The following PARM1 variants were observed in gnomAD, a reference collection of about 807,000 sequenced individuals.
PARM1 encodes WSC4, cell wall integrity and stress response component 4 homolog.
Under a neutral mutation model 24.6 loss-of-function variants are expected in PARM1, and 14 were observed. The observed-to-expected ratio is 0.57, with a 90% CI of 0.38 to 0.89. The LOEUF (loss-of-function observed/expected upper bound fraction) is 0.89, where lower values mean the gene tolerates loss of function less well. PARM1 is among the 40% of genes least tolerant of loss of function. The pLI, the probability that PARM1 is intolerant of heterozygous loss-of-function variation, is 0.00. For synonymous variants in PARM1, 179 were observed against 156.6 expected (o/e 1.14, Z -1.07); for missense variants, 362 against 380.4 (o/e 0.95, Z 0.40).
intron 1 of PARM1, among the ~76,000 whole-genome samples, chr4:74,971,092 A>G (rs560468680): frequency 2.6e-5 from 4 of 152,344 alleles, no homozygotes; most frequent in South Asian, 2.1e-4. Context: ...ACACTGTATT[A>G]GTCTGTTCTC....
intron 2 of PARM1, among the ~76,000 whole-genome samples, chr4:75,031,482 G>A (rs1299562482): frequency 2.6e-5 from 4 of 151,180 alleles, no homozygotes; most frequent in Non-Finnish European, 4.4e-5. Flanking sequence ...GAGCTAGAGA[G>A]CCACCCATCA....
chr4:75,033,806 G>C, intron 2 of PARM1, 77 bp from the exon 3 acceptor site: 1 of 1,148,450 alleles, frequency 8.7e-7, no homozygotes, highest in Middle Eastern at 2.8e-4. Flanking sequence ...GCAGAAGGTG[G>C]ATACTACGCA....
At chr4:74,998,008 C>T (rs575406499) in intron 1 of PARM1, among the ~76,000 whole-genome samples, 1 of 152,312 alleles carries the variant, frequency 6.6e-6, no homozygotes, top group East Asian at 1.9e-4. Flanking sequence ...AGATTCTGTC[C>T]TTCCAGATTG....
At chr4:75,025,212 T>A (rs997006796) in intron 2 of PARM1, among the ~76,000 whole-genome samples, 23 of 152,186 alleles carry the variant, frequency 1.5e-4, no homozygotes, top group Non-Finnish European at 2.2e-4. Flanking sequence ...GGAGTTGAGA[T>A]TCCCCAGCCT....
intron 3 of PARM1, among the ~76,000 whole-genome samples, chr4:75,035,544 C>T (rs777255125): frequency 9.2e-5 from 14 of 152,202 alleles, no homozygotes; most frequent in Non-Finnish European, 1.5e-4. Flanking sequence ...TATGATTCCT[C>T]ATCTCAGAGC....
chr4:75,009,466 C>T (rs1398495654), intron 1 of PARM1, among the ~76,000 whole-genome samples: 1 of 152,162 alleles, frequency 6.6e-6, no homozygotes, highest in Non-Finnish European at 1.5e-5. Context: ...CTATTTGACA[C>T]CTTCAAGGAA....
rs1314578085 is a variant in PARM1, at chr4:74,933,390, C to T, written c.43+20C>T. 2.5e-6 allele frequency: 4 copies of T among 1,611,010 alleles called. No homozygotes were observed. The highest frequency in any genetic ancestry group is 1.7e-5 in the Admixed American group (1 of 59,816). On this transcript the variant is annotated intron_variant, in intron 1 of 3. Transcript: ENST00000307428. ...CTGCAGGTAATTGGCGCCATCCTCC[C>T]GGAAGGGCAGGTCGCGGGGTGGGCC...
intron 1 of PARM1, among the ~76,000 whole-genome samples, chr4:74,984,839 G>A (rs1722319911): frequency 6.6e-6 from 1 of 152,126 alleles, no homozygotes; most frequent in African/African-American, 2.4e-5. Flanking sequence ...TTAAAGAAAA[G>A]CACACTAAGA....
chr4:74,998,291 G>A (rs959008202), intron 1 of PARM1, among the ~76,000 whole-genome samples: 1 of 152,172 alleles, frequency 6.6e-6, no homozygotes, highest in Non-Finnish European at 1.5e-5. Context: ...GTTATTTTCA[G>A]CAGAGATGCA....
At chr4:74,971,635 G>A (rs767323184) in intron 1 of PARM1, among the ~76,000 whole-genome samples, 1 of 152,132 alleles carries the variant, frequency 6.6e-6, no homozygotes, top group Non-Finnish European at 1.5e-5. Context: ...TTTCTGAGCT[G>A]ACTTTGTTTA....
intron 1 of PARM1, among the ~76,000 whole-genome samples, chr4:74,972,816 A>G (rs1045560188): frequency 6.6e-6 from 1 of 152,204 alleles, no homozygotes; most frequent in Non-Finnish European, 1.5e-5. Flanking sequence ...CATCTTGCTG[A>G]TGCCTCAATG....
At chr4:75,014,724 G>A (rs1352570517) in intron 2 of PARM1, among the ~76,000 whole-genome samples, 1 of 152,158 alleles carries the variant, frequency 6.6e-6, no homozygotes, top group Non-Finnish European at 1.5e-5. Flanking sequence ...CACAGAGAAG[G>A]GTGGAGAGTG....
At chr4:75,035,893 C>T (rs1210056250) in intron 3 of PARM1, among the ~76,000 whole-genome samples, 1 of 152,186 alleles carries the variant, frequency 6.6e-6, no homozygotes, top group African/African-American at 2.4e-5. Flanking sequence ...TGTCCTTGAG[C>T]ACTAAACTTA....
Position 75,008,923 on chromosome 4 carries a change from A to AT in PARM1, c.44-3489dup, listed in dbSNP as rs58243200. ...GATGCTATGAATGGTAAATGGTGTC[A>AT]TTTTTTTTTTTTTGCCCTTGGAATC... On this transcript the variant is annotated intron_variant, in intron 1 of 3. Coordinates refer to ENST00000307428, the MANE Select transcript of PARM1 (RefSeq NM_015393.4). Among the ~76,000 whole-genome samples the AT allele has an allele frequency of 1.3e-3, 194 of 146,510 alleles. 1 individual carries two copies. The highest frequency in any genetic ancestry group is 8.3e-3 in the East Asian group (42 of 5,042).
At position 75,047,245 on chromosome 4, in the gene PARM1, T is replaced by A. The variant is rs1372147684; in HGVS notation, c.*998T>A. ...CACAGCAACTGGTCCACTGCTTTAC[T>A]GTCTGTTGGATAATGGCTGTAAAAT... On this transcript the variant is annotated 3_prime_UTR_variant, in exon 4 of 4. Coordinates refer to ENST00000307428, the MANE Select transcript of PARM1 (RefSeq NM_015393.4). 1 of 152,248 alleles carries A rather than the reference T, an allele frequency of 6.6e-6. No homozygotes were observed. Among genetic ancestry groups the A allele is most frequent in the South Asian group, 2.1e-4 (1 of 4,836 alleles). The allele number at this position is 152,248 out of a possible 1,614,324, so 9.4% of individuals were successfully genotyped here. A position where few individuals can be genotyped will look rare whatever the true frequency, so the allele number is the denominator to read the frequency against.
chr4:75,037,657 A>G lies in PARM1; in HGVS notation c.848+3696A>G, dbSNP rs534110142. Among the ~76,000 whole-genome samples, 3 of 152,276 alleles carry G rather than the reference A, an allele frequency of 2.0e-5. No homozygotes were observed. In the South Asian group the frequency reaches 6.2e-4, roughly 32 times the overall value. On this transcript the variant is annotated intron_variant, in intron 3 of 3. Coordinates refer to ENST00000307428, the MANE Select transcript of PARM1 (RefSeq NM_015393.4). ...CTGAACCCAGGGCCCTTCTTGGTTT[A>G]TGATCCCACCTTTTAACCAGCAGCA...
chr4:75,040,090 A>G (rs921828089), intron 3 of PARM1, among the ~76,000 whole-genome samples: 6 of 152,216 alleles, frequency 3.9e-5, no homozygotes. Context: ...GTAGTTGCTT[A>G]ATGAACATTT....
chr4:75,020,033 A>AG (rs1560794315), intron 2 of PARM1, among the ~76,000 whole-genome samples: 1 of 149,006 alleles, frequency 6.7e-6, no homozygotes, highest in Non-Finnish European at 1.5e-5. Flanking sequence ...AAAAAAAAAA[A>AG]AAAAGAAAAT....
intron 1 of PARM1, among the ~76,000 whole-genome samples, chr4:74,935,999 A>AT (rs564855407): frequency 3.3e-5 from 5 of 151,918 alleles, no homozygotes; most frequent in African/African-American, 9.7e-5. Flanking sequence ...AGGCAGCTAA[A>AT]TTTTTTTATT....
Sources: gnomAD v4.1 joint callset for allele counts (sites outside exome capture counted in the v4.1 genomes callset) on GRCh38, gnomAD v4.1.1 for gene constraint, MANE v1.5 for transcripts, NCBI Gene and HGNC (gene_info 2026-07-23, HGNC 2026-07-21) for gene names.